The following DNAH10 variants were observed in gnomAD, a reference collection of about 807,000 sequenced individuals.
DNAH10 encodes axonemal beta dynein heavy chain 10.
Under a neutral mutation model 506.6 loss-of-function variants are expected in DNAH10, and 348 were observed. The observed-to-expected ratio is 0.69, with a 90% CI of 0.63 to 0.75. The LOEUF (loss-of-function observed/expected upper bound fraction) is 0.75. Ranked by LOEUF, DNAH10 falls within the 30% of genes least tolerant of loss-of-function variation. The pLI is 0.00. For missense variants in DNAH10, 5,179 were observed against 5,787.1 expected (o/e 0.89, Z 3.41); for synonymous variants, 2,059 against 2,198.6 (o/e 0.94, Z 1.78).
In DNAH10 at chr12:123,787,669, T is replaced by C; in HGVS notation, c.1422-135T>C. 1.9e-6 allele frequency: 2 copies of C among 1,056,606 alleles called. No individual in the cohort carries two copies. The highest frequency in any genetic ancestry group is 2.7e-6 in the Non-Finnish European group (2 of 727,286). The allele number at this position is 1,056,606 out of a possible 1,614,324, so 65.5% of individuals were successfully genotyped here. On this transcript the variant is annotated intron_variant, in intron 9 of 78. Coordinates refer to ENST00000673944, the MANE Select transcript of DNAH10 (RefSeq NM_001372106.1). The surrounding 1 kb of genome is among the most constrained non-coding windows in gnomAD (Gnocchi z 4.6). ...AGGGCAGCCGCTTGCCCGCTCTGCC[T>C]TTTCCGATGAGGCCGTGAAACCAGG...
chr12:123,852,037 C>T (rs1951196361), intron 35 of DNAH10, among the ~76,000 whole-genome samples: 1 of 152,174 alleles, frequency 6.6e-6, no homozygotes, highest in African/African-American at 2.4e-5. Context: ...TCCCGAGTAG[C>T]TGGGACTACA....
At chr12:123,875,061 A>G (rs1314035828) in intron 46 of DNAH10, among the ~76,000 whole-genome samples, 170 bp from the exon 47 acceptor site, 1 of 152,160 alleles carries the variant, frequency 6.6e-6, no homozygotes, top group African/African-American at 2.4e-5. Flanking sequence ...AAACACAATC[A>G]CAAATGGATA....
rs574148159 is a variant in DNAH10, at chr12:123,898,881, C to T, written c.9640+67C>T. The T allele has an allele frequency of 7.5e-5, 112 of 1,498,972 alleles. No homozygotes were observed. The Admixed American group carries it at 1.6e-3, about 22-fold the overall frequency. The allele number at this position is 1,498,972 out of a possible 1,614,324, so 92.9% of individuals were successfully genotyped here. ...AATACCCACCGTAGGTGAGTGAGGGCGGGGCCAGGGCAGCCCATCCCGAGC... is the reference window on the plus strand; with the variant it reads ...AATACCCACCGTAGGTGAGTGAGGGTGGGGCCAGGGCAGCCCATCCCGAGC... On this transcript the variant is annotated intron_variant, in intron 56 of 78. Transcript: ENST00000673944.
intron 28 of DNAH10, among the ~76,000 whole-genome samples, chr12:123,837,581 C>CTT (rs558570026): frequency 7.8e-5 from 11 of 141,664 alleles, no homozygotes; most frequent in African/African-American, 2.6e-4. Flanking sequence ...TATGATTGTT[C>CTT]TTTTTTTTTT....
Position 123,909,167 on chromosome 12 carries a change from C to G in DNAH10, c.9816-94C>G. The G allele has an allele frequency of 2.7e-6, 4 of 1,498,700 alleles. No homozygotes were observed. The highest frequency in any genetic ancestry group is 3.6e-6 in the Non-Finnish European group (4 of 1,103,992). The allele number at this position is 1,498,700 out of a possible 1,614,324, so 92.8% of individuals were successfully genotyped here. A position where few individuals can be genotyped will look rare whatever the true frequency, so the allele number is the denominator to read the frequency against. ...TTGCAGCAGTAGCTCCAGGGACTGT[C>G]TTTTGGTTGAGCTCGTTTTTCTGGA... On this transcript the variant is annotated intron_variant, in intron 57 of 78. Transcript: ENST00000673944. This position sits in a 1 kb window ranked among gnomAD's most constrained non-coding sequence, Gnocchi z 5.4.
At chr12:123,918,443 C>T (rs1409037746) in intron 64 of DNAH10, among the ~76,000 whole-genome samples, 1 of 152,214 alleles carries the variant, frequency 6.6e-6, no homozygotes, top group Non-Finnish European at 1.5e-5. Context: ...GAGGGCAGTA[C>T]CGGAGACTTA....
At chr12:123,934,208 G>A (rs1375402549) in intron 77 of DNAH10, 2 of 701,622 alleles carry the variant, frequency 2.9e-6, no homozygotes, top group Admixed American at 4.0e-5. Context: ...CTTTCTCTGT[G>A]AGGCTTCGAC....
rs769096420 is a variant in DNAH10 at position 123,931,882 on chromosome 12, G to C, written c.13128+35G>C. On this transcript the variant is annotated intron_variant, in intron 75 of 78. Transcript: ENST00000673944. Reference sequence around the variant, plus strand: ...TCTCTCATGTGCAGATTACTGCCTAGATACGTGGCACCTGGGGTTCTGATA... The same window carrying C: ...TCTCTCATGTGCAGATTACTGCCTACATACGTGGCACCTGGGGTTCTGATA... 3.7e-6 allele frequency: 6 copies of C among 1,612,834 alleles called. No individual in the cohort carries two copies. In the South Asian group the frequency reaches 6.6e-5, roughly 18 times the overall value.
At chr12:123,859,309 G>A (rs754569268) in intron 38 of DNAH10, 41 bp downstream of exon 38, 3 of 1,467,530 alleles carry the variant, frequency 2.0e-6, no homozygotes, top group Non-Finnish European at 2.7e-6. Flanking sequence ...CTGCCACAGG[G>A]GCTCACAGTA....
intron 36 of DNAH10, among the ~76,000 whole-genome samples, chr12:123,855,759 G>C (rs1951362789): frequency 6.6e-6 from 1 of 151,156 alleles, no homozygotes; most frequent in Non-Finnish European, 1.5e-5. Flanking sequence ...CCCTCTGTAA[G>C]GTGGGGAGGA....
chr12:123,930,048 G>A (rs976463962), intron 72 of DNAH10: 22 of 551,404 alleles, frequency 4.0e-5, no homozygotes, highest in African/African-American at 1.9e-4. Flanking sequence ...AAGCATCCCC[G>A]GTGGTCTGCA....
intron 5 of DNAH10, among the ~76,000 whole-genome samples, chr12:123,775,551 T>C (rs1365024186): frequency 2.0e-5 from 3 of 152,014 alleles, no homozygotes; most frequent in African/African-American, 7.2e-5. Context: ...TCAGACATGA[T>C]AGGATGTGGA....
In DNAH10 at chr12:123,875,302, C is replaced by T; in HGVS notation, c.8010C>T (p.Asp2670=). 6.2e-7 allele frequency: 1 copy of T among 1,613,396 alleles called. No individual in the cohort carries two copies. The highest frequency in any genetic ancestry group is 8.5e-7 in the Non-Finnish European group (1 of 1,179,598). ...TGTTGGAAAAAGGCTACTTATATGA[C>T]CGTGGGAAGGAGCTGAACTGTAAAA... ...KLLLEKGYLY[D]RGKELNCKSI... Residue 2670 remains aspartate, a synonymous_variant, in exon 47 of 79, where the codon GAC becomes GAT. Coordinates refer to ENST00000673944, the MANE Select transcript of DNAH10 (RefSeq NM_001372106.1).
rs768687354 is a variant in DNAH10 at position 123,887,181 on chromosome 12, A to G, written c.8863A>G (p.Ser2955Gly). Residue 2955 changes from serine to glycine, a missense_variant, in exon 52 of 79, where the codon AGT becomes GGT. This residue lies in a region of DNAH10 where 4,844 missense variants were observed against 5,430.5 expected (regional missense o/e 0.89). Transcript: ENST00000673944. ...GCTGAGCCGAGGCTACTCGGAGAAC[A>G]GTTTCCGGGAAGACCTGAAGAGCCT... Reference protein sequence around the residue: ...ILLSRGYSENSFREDLKSLYL... With the variant: ...ILLSRGYSENGFREDLKSLYL... The G allele has an allele frequency of 2.5e-6, 4 of 1,612,872 alleles. No individual in the cohort carries two copies. The highest frequency in any genetic ancestry group is 3.4e-6 in the Non-Finnish European group (4 of 1,179,440).
At chr12:123,780,783 T>C (rs1041598606) in intron 5 of DNAH10, among the ~76,000 whole-genome samples, 3 of 151,426 alleles carry the variant, frequency 2.0e-5, no homozygotes, top group Non-Finnish European at 4.4e-5. Flanking sequence ...TCCCCATCTC[T>C]ACTAAAAATA....
At chr12:123,814,182 C>T (rs529364564) in intron 21 of DNAH10, 1 of 269,488 alleles carries the variant, frequency 3.7e-6, no homozygotes, top group East Asian at 7.4e-5. Context: ...TGTTAATTTC[C>T]TTTAATAGAT....
In DNAH10 at chr12:123,790,045, T is replaced by C; in HGVS notation, c.1739T>C (p.Leu580Pro). Residue 580 changes from leucine to proline, a missense_variant, in exon 11 of 79, where the codon CTG becomes CCG. By Grantham distance (98) the Leu-to-Pro change is moderately conservative. Coordinates refer to ENST00000673944, the MANE Select transcript of DNAH10 (RefSeq NM_001372106.1). ...GGCCTAGTCACCCCCATGGAAAACCTGACCTTTGACCCCTTCAGCATCAAG... is the reference window on the plus strand; with the variant it reads ...GGCCTAGTCACCCCCATGGAAAACCCGACCTTTGACCCCTTCAGCATCAAG... ...VDGLVTPMEN[L>P]TFDPFSIKSS... The C allele has an allele frequency of 6.2e-7, 1 of 1,614,142 alleles. No individual in the cohort carries two copies. Among genetic ancestry groups the C allele is most frequent in the South Asian group, 1.1e-5 (1 of 91,084 alleles).
At chr12:123,819,983 G>T (rs1055984010) in intron 23 of DNAH10, among the ~76,000 whole-genome samples, 1 of 152,122 alleles carries the variant, frequency 6.6e-6, no homozygotes, top group Non-Finnish European at 1.5e-5. Flanking sequence ...GGGATTACAG[G>T]CCTGAGCCAC....
In DNAH10 at chr12:123,881,782, C is replaced by T. The variant is rs561319350; in HGVS notation, c.8792C>T (p.Ser2931Leu). 166 of 1,520,570 alleles carry T rather than the reference C, an allele frequency of 1.1e-4. No individual in the cohort carries two copies. Among genetic ancestry groups the T allele is most frequent in the Middle Eastern group, 5.1e-4 (3 of 5,884 alleles). 94.2% of individuals were successfully genotyped at this position (1,520,570 alleles called of 1,614,324 possible). The change falls in exon 51 of 79, where the codon TCG (serine) becomes TTG (leucine). Residue 2931 changes from serine to leucine, a missense_variant. Coordinates refer to ENST00000673944, the MANE Select transcript of DNAH10 (RefSeq NM_001372106.1). ...GGGGGCTCAGGGAAGCAGTCTCTTT[C>T]GAGGCTGGCTGCCTTCACAGCCAGC... ...GVGGSGKQSLSRLAAFTASCE... is the reference protein window; with the variant it reads ...GVGGSGKQSLLRLAAFTASCE...
Sources: gnomAD v4.1 joint callset for allele counts (sites outside exome capture counted in the v4.1 genomes callset) on GRCh38, gnomAD v4.1.1 for gene constraint, gnomAD v4.1.1 regional missense constraint, Gnocchi (gnomAD v3.1) non-coding constraint, MANE v1.5 for transcripts, NCBI Gene and HGNC (gene_info 2026-07-23, HGNC 2026-07-21) for gene names.